CCDC152: variants seen among roughly 807,000 people sequenced by gnomAD.
CCDC152 encodes the protein coiled-coil domain-containing protein 152.
Under a neutral mutation model 38.1 loss-of-function variants are expected in CCDC152, and 37 were observed. The ratio of observed to expected loss-of-function variants is 0.97; its 90% confidence interval spans 0.75 to 1.28. CCDC152 has a LOEUF of 1.28. Ranked by LOEUF, CCDC152 falls within the 50% of genes most tolerant of loss-of-function variation. The pLI is 0.00. For synonymous variants in CCDC152, 83 were observed against 87.1 expected (o/e 0.95, Z 0.26); for missense variants, 259 against 292.1 (o/e 0.89, Z 0.83).
At chr5:42,761,449 T>C (rs1466279202) in intron 2 of CCDC152, among the ~76,000 whole-genome samples, 2 of 151,992 alleles carry the variant, frequency 1.3e-5, no homozygotes, top group Admixed American at 6.6e-5. Flanking sequence ...ACCCTGTCTC[T>C]GCTAAAACAC....
At chr5:42,770,005 A>C (rs1759675765) in intron 4 of CCDC152, among the ~76,000 whole-genome samples, 1 of 152,226 alleles carries the variant, frequency 6.6e-6, no homozygotes, top group Non-Finnish European at 1.5e-5. Context: ...TACTAGTTAA[A>C]CCATAATTTT....
Position 42,769,582 on chromosome 5 carries a change from T to C in CCDC152, c.194-15T>C. 1 of 1,460,316 alleles carries C rather than the reference T, an allele frequency of 6.8e-7. No homozygotes were observed. The highest frequency in any genetic ancestry group is 9.1e-7 in the Non-Finnish European group (1 of 1,104,014). The allele number at this position is 1,460,316 out of a possible 1,614,324, so 90.5% of individuals were successfully genotyped here. A position where few individuals can be genotyped will look rare whatever the true frequency, so the allele number is the denominator to read the frequency against. On this transcript the variant is annotated splice_polypyrimidine_tract_variant and intron_variant, in intron 3 of 8. Transcript: ENST00000361970. ...AGCAAGGGATTTTAAAATAAATTTATCTTTTATATTTCAGAATGTGCTACT... is the reference window on the plus strand; with the variant it reads ...AGCAAGGGATTTTAAAATAAATTTACCTTTTATATTTCAGAATGTGCTACT...
chr5:42,759,703 G>T (rs1759524444), intron 2 of CCDC152, among the ~76,000 whole-genome samples: 1 of 152,168 alleles, frequency 6.6e-6, no homozygotes, highest in Non-Finnish European at 1.5e-5. Context: ...TAGACCACTT[G>T]TCTGTTAGTC....
In CCDC152 at chr5:42,801,228, T is replaced by C. The variant is rs752992303; in HGVS notation, c.*1447T>C. On this transcript the variant is annotated 3_prime_UTR_variant, in exon 9 of 9. Coordinates refer to ENST00000361970, the MANE Select transcript of CCDC152 (RefSeq NM_001134848.2). ...ACTGCTGCCAAGGTGCTGATGTCCA[T>C]GATTGTGATGATGCTCATGATGGTA... 3 of 1,614,058 alleles carry C rather than the reference T, an allele frequency of 1.9e-6. No individual in the cohort carries two copies. The highest frequency in any genetic ancestry group is 2.5e-6 in the Non-Finnish European group (3 of 1,180,030).
intron 4 of CCDC152, 63 bp from the exon 5 acceptor site, chr5:42,779,395 C>T: frequency 2.1e-6 from 2 of 962,462 alleles, no homozygotes; most frequent in Non-Finnish European, 3.2e-6. Flanking sequence ...AAATGTTGAA[C>T]ATATTTTCAT....
intron 6 of CCDC152, among the ~76,000 whole-genome samples, chr5:42,788,242 G>A (rs1759948968): frequency 6.7e-6 from 1 of 150,032 alleles, no homozygotes; most frequent in South Asian, 2.1e-4. Flanking sequence ...CTTTAAGAAA[G>A]CTAAAAAGAG....
chr5:42,801,184 G>A lies in CCDC152; in HGVS notation c.*1403G>A, dbSNP rs945085106. The stretch of plus-strand genomic sequence containing the variant: ...GTAGGAGCATTTGGTGCTCCTGGTT[G>A]CTGATTCTCTGAAAGCTCACTGCTG... On this transcript the variant is annotated 3_prime_UTR_variant, in exon 9 of 9. Coordinates refer to ENST00000361970, the MANE Select transcript of CCDC152 (RefSeq NM_001134848.2). 6.2e-7 allele frequency: 1 copy of A among 1,614,150 alleles called. No homozygotes were observed. The highest frequency in any genetic ancestry group is 1.1e-5 in the South Asian group (1 of 91,076).
intron 6 of CCDC152, among the ~76,000 whole-genome samples, chr5:42,787,816 C>T (rs968037942): frequency 1.3e-5 from 2 of 152,076 alleles, no homozygotes; most frequent in African/African-American, 4.8e-5. Flanking sequence ...TCTTTCGTCA[C>T]CCCTTTACTT....
intron 6 of CCDC152, among the ~76,000 whole-genome samples, chr5:42,785,092 T>C (rs1759901028): frequency 6.6e-6 from 1 of 152,162 alleles, no homozygotes; most frequent in East Asian, 1.9e-4. Flanking sequence ...TCAGGCTCTG[T>C]TTTGGTTCCA....
intron 1 of CCDC152, among the ~76,000 whole-genome samples, chr5:42,757,999 A>G (rs1196791557): frequency 6.6e-6 from 1 of 152,220 alleles, no homozygotes; most frequent in African/African-American, 2.4e-5. Context: ...CTCCAAAAGG[A>G]ATTTTACTGT....
intron 2 of CCDC152, among the ~76,000 whole-genome samples, chr5:42,760,801 G>A (rs940960509): frequency 7.2e-5 from 11 of 152,136 alleles, no homozygotes; most frequent in Non-Finnish European, 1.3e-4. Context: ...GTTCTTAACC[G>A]AGTGATTCCT....
At chr5:42,778,728 C>G (rs1042067716) in intron 4 of CCDC152, among the ~76,000 whole-genome samples, 1 of 152,088 alleles carries the variant, frequency 6.6e-6, no homozygotes, top group Non-Finnish European at 1.5e-5. Flanking sequence ...TTCCTGTTAT[C>G]TCTTACTTGA....
chr5:42,798,610 T>C (rs947512616), intron 7 of CCDC152, among the ~76,000 whole-genome samples: 46 of 152,238 alleles, frequency 3.0e-4, no homozygotes, highest in Non-Finnish European at 2.1e-4. Flanking sequence ...CATTTGGGCC[T>C]TATCACTGGT....
chr5:42,771,890 A>G (rs566112035), intron 4 of CCDC152, among the ~76,000 whole-genome samples: 127 of 152,314 alleles, frequency 8.3e-4, no homozygotes, highest in Middle Eastern at 6.8e-3. Flanking sequence ...AGCAAAGGGA[A>G]CACTTCCAAA....
intron 6 of CCDC152, among the ~76,000 whole-genome samples, chr5:42,786,588 T>G (rs890200158): frequency 1.8e-4 from 27 of 152,218 alleles, no homozygotes; most frequent in African/African-American, 6.0e-4. Flanking sequence ...AAAACCCAGT[T>G]TTTGTCTCAT....
intron 4 of CCDC152, among the ~76,000 whole-genome samples, chr5:42,774,349 A>G (rs1759742746): frequency 1.3e-5 from 2 of 152,214 alleles, no homozygotes. Flanking sequence ...CACAGTTAAG[A>G]TATGAGAAAA....
At chr5:42,757,575 G>A (rs1445560819) in intron 1 of CCDC152, among the ~76,000 whole-genome samples, 1 of 152,182 alleles carries the variant, frequency 6.6e-6, no homozygotes, top group African/African-American at 2.4e-5. Flanking sequence ...TGAATCACCA[G>A]CTTGACACCG....
chr5:42,764,523 C>T (rs2111940611), intron 3 of CCDC152, among the ~76,000 whole-genome samples: 1 of 152,162 alleles, frequency 6.6e-6, no homozygotes, highest in Admixed American at 6.5e-5. Flanking sequence ...ATGTAAAAAT[C>T]CTCAAAGTAC....
At chr5:42,796,804 A>G in intron 6 of CCDC152, 25 bp from the exon 7 acceptor site, 1 of 1,343,390 alleles carries the variant, frequency 7.4e-7, no homozygotes, top group Non-Finnish European at 9.9e-7. Flanking sequence ...TAACAAATGA[A>G]TTTTATTTAT....
Sources: gnomAD v4.1 joint callset for allele counts (sites outside exome capture counted in the v4.1 genomes callset) on GRCh38, gnomAD v4.1.1 for gene constraint, MANE v1.5 for transcripts, NCBI Gene and HGNC (gene_info 2026-07-23, HGNC 2026-07-21) for gene names.